AAMDC: variants seen among roughly 807,000 people sequenced by gnomAD.
AAMDC encodes the protein adipogenesis associated Mth938 domain containing.
Under a neutral mutation model 15.5 loss-of-function variants are expected in AAMDC, and 16 were observed. The observed-to-expected ratio is 1.03, with a 90% confidence interval of 0.70 to 1.57. AAMDC has a LOEUF of 1.57. Among genes scored for constraint, AAMDC ranks in the 40% most tolerant of loss-of-function variants. The probability of loss-of-function intolerance (pLI) is 0.00; values close to 1 mark genes in which losing one functional copy is unlikely to be tolerated. For synonymous variants in AAMDC, 51 were observed against 51.6 expected, an observed-to-expected ratio of 0.99 and a Z score of 0.05; for missense variants, 141 against 144.9, an observed-to-expected ratio of 0.97 and a Z score of 0.14.
At chr11:77,864,757 T>C (rs1001651878) in intron 2 of AAMDC, among the ~76,000 whole-genome samples, 8 of 152,130 alleles carry the variant, frequency 5.3e-5, no homozygotes, top group African/African-American at 1.9e-4. Flanking sequence ...GATGGGAGGA[T>C]TGTTTGAGCC....
intron 2 of AAMDC, among the ~76,000 whole-genome samples, chr11:77,852,575 G>T (rs372572892): frequency 1.4e-4 from 21 of 151,952 alleles, no homozygotes; most frequent in African/African-American, 4.8e-4. Flanking sequence ...TGAGATTTGC[G>T]CAGGGACACA....
chr11:77,831,331 G>A (rs556593660), intron 1 of AAMDC, among the ~76,000 whole-genome samples: 1 of 152,238 alleles, frequency 6.6e-6, no homozygotes, highest in East Asian at 1.9e-4. Flanking sequence ...TGAACCAGCA[G>A]TTCCTTTCCT....
chr11:77,865,569 A>G (rs1457288553), intron 2 of AAMDC, among the ~76,000 whole-genome samples: 2 of 152,224 alleles, frequency 1.3e-5, no homozygotes, highest in Admixed American at 1.3e-4. Context: ...ACCACATTTA[A>G]CTGCAAGAAG....
At chr11:77,895,887 T>G (rs1252482310) in intron 5 of AAMDC, among the ~76,000 whole-genome samples, 1 of 152,142 alleles carries the variant, frequency 6.6e-6, no homozygotes, top group Non-Finnish European at 1.5e-5. Context: ...TTTCCTTTGG[T>G]GTGAGGGAAG....
chr11:77,872,461 A>G (rs1951475915), downstream of AAMDC: 1 of 939,120 alleles, frequency 1.1e-6, no homozygotes, highest in Non-Finnish European at 1.5e-6. Flanking sequence ...GGGATGACCA[A>G]GACAAGGTCC....
At position 77,894,041 on chromosome 11, in the gene AAMDC, A is replaced by T. The variant is rs1478070390; in HGVS notation, c.329-6530A>T. Among the ~76,000 whole-genome samples, 11 of 152,126 alleles carry T rather than the reference A, an allele frequency of 7.2e-5. No individual in the cohort carries two copies. The East Asian group carries it at 2.1e-3, about 29-fold the overall frequency. On this transcript the variant is annotated intron_variant, in intron 5 of 5. Transcript: ENST00000304716. ...TCTTTTTATGGCCTAGCTGAGTGCT[A>T]AATGCAAGTGATTCCTGGTAGGTTT...
intron 5 of AAMDC, among the ~76,000 whole-genome samples, chr11:77,896,755 A>T (rs538111656): frequency 1.2e-4 from 18 of 151,976 alleles, no homozygotes; most frequent in Non-Finnish European, 2.2e-4. Flanking sequence ...CAGAAAATCC[A>T]ACATTTAGTA....
downstream of AAMDC, among the ~76,000 whole-genome samples, chr11:77,877,201 T>C (rs1269060451): frequency 6.6e-6 from 1 of 152,228 alleles, no homozygotes; most frequent in African/African-American, 2.4e-5. Flanking sequence ...GGTTACTTAT[T>C]TCTCTCAACT....
intron 2 of AAMDC, among the ~76,000 whole-genome samples, chr11:77,858,813 T>C (rs1950750725): frequency 6.6e-6 from 1 of 152,232 alleles, no homozygotes; most frequent in Admixed American, 6.5e-5. Context: ...CGGTAGGTCT[T>C]AGTCATGGAC....
chr11:77,853,362 A>G (rs1349700031), intron 2 of AAMDC, among the ~76,000 whole-genome samples: 2 of 152,194 alleles, frequency 1.3e-5, no homozygotes, highest in Non-Finnish European at 2.9e-5. Flanking sequence ...ACTTACAATC[A>G]TGGCAGAAGG....
At chr11:77,845,545 C>A (rs1433998171) in intron 2 of AAMDC, among the ~76,000 whole-genome samples, 1 of 152,134 alleles carries the variant, frequency 6.6e-6, no homozygotes, top group African/African-American at 2.4e-5. Flanking sequence ...ATTCTCCTGC[C>A]TCAGCCTCCT....
rs182716278 is a variant in AAMDC at position 77,823,175 on chromosome 11, A to T, written c.-19+1934A>T. The stretch of plus-strand genomic sequence containing the variant: ...GCTTGCAGTGAGCCAAGGTTGTGCC[A>T]CTGCACTCCAGCCTGGGCGACAGAG... On this transcript the variant is annotated intron_variant, in intron 1 of 3. Coordinates refer to ENST00000393427, the MANE Select transcript of AAMDC (RefSeq NM_024684.4). Among the ~76,000 whole-genome samples, 718 of 137,768 alleles carry T rather than the reference A, an allele frequency of 5.2e-3. 9 individuals are homozygous for T. The highest frequency in any genetic ancestry group is 0.019 in the African/African-American group (676 of 36,410). The allele number at this position is 137,768 out of a possible 152,430, so 90.4% of individuals were successfully genotyped here.
At chr11:77,883,836 C>G in intron 5 of AAMDC, 1 of 1,612,862 alleles carries the variant, frequency 6.2e-7, no homozygotes, top group Non-Finnish European at 8.5e-7. Context: ...CCTTACCTGT[C>G]CAAGCGGTGT....
At chr11:77,832,973 GT>G (rs1949508158) in intron 1 of AAMDC, among the ~76,000 whole-genome samples, 1 of 64,806 alleles carries the variant, frequency 1.5e-5, no homozygotes, top group Non-Finnish European at 2.8e-5. Context: ...GTGTGTGTGT[GT>G]GTGTGTGTGT....
At chr11:77,866,210 CTTG>C (rs755642803) in intron 2 of AAMDC, among the ~76,000 whole-genome samples, 10 of 152,192 alleles carry the variant, frequency 6.6e-5, no homozygotes, top group Non-Finnish European at 1.3e-4. Context: ...AGGATGCCAT[CTTG>C]TTGTTTAGCT....
At chr11:77,855,584 C>G (rs1184876114) in intron 2 of AAMDC, 4 of 152,346 alleles carry the variant, frequency 2.6e-5, no homozygotes, top group African/African-American at 9.7e-5. Flanking sequence ...CCGTCTTGGC[C>G]TCCCAAAGTG....
At chr11:77,894,214 T>A in intron 5 of AAMDC, 1 of 731,598 alleles carries the variant, frequency 1.4e-6, no homozygotes, top group Non-Finnish European at 2.4e-6. Flanking sequence ...TGATTTGTGA[T>A]TGTTCCTATT....
chr11:77,823,960 T>C (rs1949057406), intron 1 of AAMDC, among the ~76,000 whole-genome samples: 1 of 152,088 alleles, frequency 6.6e-6, no homozygotes, highest in Non-Finnish European at 1.5e-5. Context: ...CTTTTCTCAC[T>C]GCTCACACTG....
chr11:77,846,258 C>T (rs192989729), intron 2 of AAMDC, among the ~76,000 whole-genome samples: 134 of 152,302 alleles, frequency 8.8e-4, no homozygotes, highest in Non-Finnish European at 1.7e-3. Flanking sequence ...CATGTGTCTA[C>T]CAGTTGCCTT....
Sources: allele counts gnomAD v4.1 joint callset (sites outside exome capture counted in the v4.1 genomes callset), GRCh38; gene constraint gnomAD v4.1.1; transcripts MANE v1.5; gene names NCBI Gene and HGNC (gene_info 2026-07-23, HGNC 2026-07-21).